SRPK2: variants seen among roughly 807,000 people sequenced by gnomAD.
SRPK2 encodes the protein SRSF protein kinase 2, also known as SFRS protein kinase 2.
Under a neutral mutation model 90.8 loss-of-function variants are expected in SRPK2, and 21 were observed. The observed-to-expected ratio is 0.23, with a 90% CI of 0.16 to 0.33. The LOEUF is 0.33. Among genes scored for constraint, SRPK2 ranks in the 10% least tolerant of loss-of-function variants. SRPK2 has a pLI of 1.00. For missense variants in SRPK2, 620 were observed against 869.0 expected, an observed-to-expected ratio of 0.71 and a Z score of 3.60; for synonymous variants, 288 against 311.1, an observed-to-expected ratio of 0.93 and a Z score of 0.78.
intron 7 of SRPK2, among the ~76,000 whole-genome samples, chr7:105,150,457 A>C (rs1805474628): frequency 2.0e-5 from 3 of 152,228 alleles, no homozygotes; most frequent in African/African-American, 4.8e-5. Context: ...CGGAGGTCAC[A>C]GTGAGCTGAG....
At chr7:105,154,284 C>A (rs1357574555) in intron 7 of SRPK2, among the ~76,000 whole-genome samples, 2 of 151,732 alleles carry the variant, frequency 1.3e-5, no homozygotes, top group Non-Finnish European at 3.0e-5. Context: ...AGCCACCTCA[C>A]CACATTTCCT....
chr7:105,263,920 T>C (rs1327437223), intron 2 of SRPK2, among the ~76,000 whole-genome samples: 1 of 152,144 alleles, frequency 6.6e-6, no homozygotes, highest in Non-Finnish European at 1.5e-5. Flanking sequence ...GTCATCTCAT[T>C]AAGGAACAAG....
chr7:105,377,699 C>CA (rs566533667), intron 2 of SRPK2, among the ~76,000 whole-genome samples: 3 of 151,494 alleles, frequency 2.0e-5, no homozygotes, highest in East Asian at 3.9e-4. Context: ...GACCCCGTAT[C>CA]AAAAAAAAGA....
At chr7:105,258,330 T>C (rs1346291690) in intron 2 of SRPK2, among the ~76,000 whole-genome samples, 4 of 150,704 alleles carry the variant, frequency 2.7e-5, no homozygotes, top group Non-Finnish European at 5.9e-5. Context: ...GACAGGAGAA[T>C]TGCTTGAACC....
intron 3 of SRPK2, among the ~76,000 whole-genome samples, chr7:105,184,304 C>G (rs563121615): frequency 1.8e-4 from 27 of 152,102 alleles, no homozygotes; most frequent in Non-Finnish European, 3.1e-4. Flanking sequence ...TCCTTTATTT[C>G]TTACATACAT....
At chr7:105,242,276 C>G (rs1800912838) in intron 2 of SRPK2, among the ~76,000 whole-genome samples, 1 of 152,148 alleles carries the variant, frequency 6.6e-6, no homozygotes, top group South Asian at 2.1e-4. Context: ...CTTTGGGAGG[C>G]TGAGGCGGCT....
intron 2 of SRPK2, among the ~76,000 whole-genome samples, chr7:105,387,485 T>C (rs903118118): frequency 6.6e-6 from 1 of 151,704 alleles, no homozygotes; most frequent in African/African-American, 2.4e-5. Context: ...TAGGAAGTGC[T>C]TTCCCCTTAC....
intron 7 of SRPK2, among the ~76,000 whole-genome samples, chr7:105,149,847 A>G (rs1410494269): frequency 2.6e-5 from 4 of 152,360 alleles, no homozygotes; most frequent in Non-Finnish European, 5.9e-5. Flanking sequence ...AAATCCCTAC[A>G]AACATTTAAA....
chr7:105,344,945 G>A (rs1288686798), intron 2 of SRPK2, among the ~76,000 whole-genome samples: 1 of 151,930 alleles, frequency 6.6e-6, no homozygotes, highest in African/African-American at 2.4e-5. Context: ...AGACCAGCCT[G>A]GCCAACATGG....
intron 2 of SRPK2, chr7:105,332,772 A>C (rs1038537156): frequency 6.6e-6 from 1 of 151,986 alleles, no homozygotes; most frequent in Non-Finnish European, 1.5e-5. Context: ...CTCAAAAAAA[A>C]AAAACAACAA....
chr7:105,386,705 G>A (rs1285333723), intron 2 of SRPK2, among the ~76,000 whole-genome samples: 2 of 152,154 alleles, frequency 1.3e-5, no homozygotes, highest in Admixed American at 6.5e-5. Flanking sequence ...CGACAAGAGC[G>A]AAACTCTGCC....
chr7:105,287,517 A>C (rs1210397914), intron 2 of SRPK2, among the ~76,000 whole-genome samples: 1 of 152,102 alleles, frequency 6.6e-6, no homozygotes, highest in African/African-American at 2.4e-5. Context: ...AGGGGAGATC[A>C]CTTGAGGTCA....
intron 6 of SRPK2, among the ~76,000 whole-genome samples, chr7:105,162,187 G>A (rs1371343068): frequency 2.0e-5 from 3 of 152,198 alleles, no homozygotes; most frequent in South Asian, 2.1e-4. Flanking sequence ...GATTACAGGC[G>A]TGTGCCACTA....
At chr7:105,331,333 A>AAAAAAAAAAC (rs1814360801) in intron 2 of SRPK2, among the ~76,000 whole-genome samples, 2 of 144,768 alleles carry the variant, frequency 1.4e-5, no homozygotes, top group African/African-American at 2.6e-5. Context: ...AAAAAAAAAA[A>AAAAAAAAAAC]AAAACAAATA....
intron 15 of SRPK2, among the ~76,000 whole-genome samples, chr7:105,121,779 G>A (rs1800417726): frequency 6.6e-6 from 1 of 152,224 alleles, no homozygotes; most frequent in Non-Finnish European, 1.5e-5. Flanking sequence ...TAAGGAAACA[G>A]GGAAGTTCTA....
chr7:105,207,389 T>G lies in SRPK2; in HGVS notation c.72-3604A>C, dbSNP rs189120449. The stretch of plus-strand genomic sequence containing the variant: ...TACAACACTGTAGAAGACCAAGACA[T>G]GACAGGTTATCTCACCAAATACATA... On this transcript the variant is annotated intron_variant, in intron 2 of 15. Coordinates refer to ENST00000393651, the MANE Select transcript of SRPK2 (RefSeq NM_182692.3). Among the ~76,000 whole-genome samples the G allele has an allele frequency of 2.0e-4, 30 of 152,246 alleles. 1 individual carries two copies. The East Asian group carries it at 3.3e-3, about 17-fold the overall frequency.
chr7:105,211,463 C>A (rs1796848379), intron 2 of SRPK2, among the ~76,000 whole-genome samples: 1 of 152,120 alleles, frequency 6.6e-6, no homozygotes, highest in Non-Finnish European at 1.5e-5. Flanking sequence ...ATGCTGGCAT[C>A]TGCTAAGCTT....
At chr7:105,373,715 T>C (rs1285441570) in intron 2 of SRPK2, among the ~76,000 whole-genome samples, 1 of 151,124 alleles carries the variant, frequency 6.6e-6, no homozygotes, top group Non-Finnish European at 1.5e-5. Context: ...CAAAAGACAT[T>C]TTCTAAATTT....
chr7:105,239,439 T>C (rs1340528304), intron 2 of SRPK2, among the ~76,000 whole-genome samples: 1 of 152,186 alleles, frequency 6.6e-6, no homozygotes, highest in African/African-American at 2.4e-5. Flanking sequence ...AGGACATTTT[T>C]CCTAAATTAT....
Sources: gnomAD v4.1 joint callset for allele counts (sites outside exome capture counted in the v4.1 genomes callset) on GRCh38, gnomAD v4.1.1 for gene constraint, MANE v1.5 for transcripts, NCBI Gene and HGNC (gene_info 2026-07-23, HGNC 2026-07-21) for gene names.